GALNTL6: variants seen among roughly 807,000 people sequenced by gnomAD.
The protein encoded by GALNTL6 is polypeptide N-acetylgalactosaminyltransferase-like 6.
Under a neutral mutation model 73.7 loss-of-function variants are expected in GALNTL6, and 46 were observed. The ratio of observed to expected loss-of-function variants is 0.62; its 90% CI spans 0.49 to 0.80. The LOEUF is 0.80. Ranked by LOEUF, GALNTL6 falls within the 30% of genes least tolerant of loss-of-function variation. The probability of loss-of-function intolerance (pLI) is 0.00; values close to 1 mark genes in which losing one functional copy is unlikely to be tolerated. For missense variants in GALNTL6, 604 were observed against 755.0 expected (o/e 0.80, Z 2.34); for synonymous variants, 259 against 263.7 (o/e 0.98, Z 0.17).
At chr4:171,903,221 A>G (rs572295278) in intron 2 of GALNTL6, among the ~76,000 whole-genome samples, 34 of 152,236 alleles carry the variant, frequency 2.2e-4, no homozygotes, top group Admixed American at 2.2e-3. Context: ...CTGCATTTCC[A>G]TCTGAGGTAC....
chr4:171,925,974 T>A lies in GALNTL6; in HGVS notation c.138+111256T>A, dbSNP rs1381666456. 3.3e-5 allele frequency among the ~76,000 whole-genome samples: 5 copies of A among 150,488 alleles called. No homozygotes were observed. The East Asian group carries it at 9.7e-4, about 29-fold the overall frequency. On this transcript the variant is annotated intron_variant, in intron 2 of 12. Transcript: ENST00000506823. ...AATTCATTATTTAAATTTTCAAATT[T>A]TAATTATGAGGCATCTGAAATTTTA... is the stretch of plus-strand genomic sequence containing the variant.
intron 2 of GALNTL6, among the ~76,000 whole-genome samples, chr4:171,841,821 G>GA (rs1473487937): frequency 6.6e-6 from 1 of 151,510 alleles, no homozygotes; most frequent in Admixed American, 6.6e-5. Context: ...TTTTTTAATT[G>GA]AAAAAATAAA....
chr4:172,048,211 A>G (rs1017802595), intron 2 of GALNTL6, among the ~76,000 whole-genome samples: 6 of 152,162 alleles, frequency 3.9e-5, no homozygotes, highest in African/African-American at 1.4e-4. Context: ...CTACTGCCTC[A>G]GAACAATAAC....
intron 5 of GALNTL6, among the ~76,000 whole-genome samples, chr4:172,774,959 CAAT>C (rs57591714): frequency 0.05 from 6,975 of 140,506 alleles, 218 homozygotes; most frequent in African/African-American, 0.082. Flanking sequence ...GGCTCCATCT[CAAT>C]AATAATAATA....
At chr4:172,896,698 G>C (rs530242565) in intron 8 of GALNTL6, among the ~76,000 whole-genome samples, 1 of 152,274 alleles carries the variant, frequency 6.6e-6, no homozygotes, top group South Asian at 2.1e-4. Context: ...CCACAGATAG[G>C]ATAGTTCCCT....
intron 2 of GALNTL6, among the ~76,000 whole-genome samples, chr4:172,104,359 T>C (rs1269384964): frequency 6.6e-6 from 1 of 152,094 alleles, no homozygotes; most frequent in Non-Finnish European, 1.5e-5. Flanking sequence ...TAAGAGGACT[T>C]GGTAGTTAAC....
chr4:172,489,605 A>G (rs1314466494), intron 5 of GALNTL6, among the ~76,000 whole-genome samples: 1 of 152,174 alleles, frequency 6.6e-6, no homozygotes, highest in Non-Finnish European at 1.5e-5. Flanking sequence ...TTATCTGTTA[A>G]TTTGTATGTT....
chr4:172,667,491 T>G (rs1731735739), intron 5 of GALNTL6: 1 of 152,226 alleles, frequency 6.6e-6, no homozygotes, highest in East Asian at 1.9e-4. Flanking sequence ...GGGGATGAAT[T>G]CGCTTCCAGG....
chr4:172,467,677 T>G (rs184466863), intron 5 of GALNTL6, among the ~76,000 whole-genome samples: 1 of 152,142 alleles, frequency 6.6e-6, no homozygotes, highest in African/African-American at 2.4e-5. Flanking sequence ...GGAAAGAAAC[T>G]TTACCCCTTT....
chr4:171,972,335 C>G (rs1049692222), intron 2 of GALNTL6, among the ~76,000 whole-genome samples: 2 of 151,946 alleles, frequency 1.3e-5, no homozygotes, highest in Non-Finnish European at 2.9e-5. Context: ...TTTCATAAAT[C>G]ATTTCAATAT....
chr4:171,854,759 C>T (rs573692314), intron 2 of GALNTL6, among the ~76,000 whole-genome samples: 3 of 152,258 alleles, frequency 2.0e-5, no homozygotes, highest in Middle Eastern at 3.4e-3. Context: ...GTGGAGGGAA[C>T]AAAGAGGCTC....
At chr4:172,372,084 C>T (rs1313167305) in intron 5 of GALNTL6, among the ~76,000 whole-genome samples, 1 of 152,206 alleles carries the variant, frequency 6.6e-6, no homozygotes, top group Non-Finnish European at 1.5e-5. Flanking sequence ...GGGAAAAGGG[C>T]TTATTTTCAA....
rs1735608053 is a variant in GALNTL6, at chr4:172,192,123, A to G, written c.139-37533A>G. 2.6e-5 allele frequency among the ~76,000 whole-genome samples: 4 copies of G among 152,132 alleles called. No individual in the cohort carries two copies. The East Asian group carries it at 7.7e-4, about 29-fold the overall frequency. On this transcript the variant is annotated intron_variant, in intron 2 of 12. Transcript: ENST00000506823. ...GCAAATTTGAAAGTGGTGTAATAATATTAATTGTAATTACTAAAGAAGCTA... is the reference window on the plus strand; with the variant it reads ...GCAAATTTGAAAGTGGTGTAATAATGTTAATTGTAATTACTAAAGAAGCTA...
chr4:172,791,724 T>C (rs1186982420), intron 5 of GALNTL6, among the ~76,000 whole-genome samples: 2 of 152,218 alleles, frequency 1.3e-5, no homozygotes, highest in Admixed American at 6.5e-5. Context: ...CTCTGCTTCC[T>C]ACTTTTGGGT....
At chr4:172,384,767 C>A (rs1325129795) in intron 5 of GALNTL6, among the ~76,000 whole-genome samples, 8 of 151,938 alleles carry the variant, frequency 5.3e-5, no homozygotes, top group African/African-American at 1.9e-4. Flanking sequence ...TTAGCTGCAT[C>A]CCAAAAGGTT....
chr4:172,108,478 A>G (rs1365329542), intron 2 of GALNTL6, among the ~76,000 whole-genome samples: 2 of 152,160 alleles, frequency 1.3e-5, no homozygotes, highest in Non-Finnish European at 2.9e-5. Flanking sequence ...ACAGTCAGGA[A>G]GTCAAAATTC....
intron 2 of GALNTL6, among the ~76,000 whole-genome samples, chr4:172,122,000 G>A (rs948483181): frequency 6.7e-6 from 1 of 148,856 alleles, no homozygotes; most frequent in African/African-American, 2.5e-5. Flanking sequence ...TACTTTTTTT[G>A]TATATAGACC....
chr4:172,577,931 A>G (rs997438979), intron 5 of GALNTL6, among the ~76,000 whole-genome samples: 1 of 152,200 alleles, frequency 6.6e-6, no homozygotes, highest in Non-Finnish European at 1.5e-5. Context: ...ATCACAGGCA[A>G]TACACTGTTT....
chr4:172,160,125 T>C (rs1184255683), intron 2 of GALNTL6, among the ~76,000 whole-genome samples: 1 of 152,008 alleles, frequency 6.6e-6, no homozygotes, highest in Non-Finnish European at 1.5e-5. Flanking sequence ...TGCTGAAAGA[T>C]ACATCAATAG....
Sources: allele counts gnomAD v4.1 joint callset (sites outside exome capture counted in the v4.1 genomes callset), GRCh38; gene constraint gnomAD v4.1.1; transcripts MANE v1.5; gene names NCBI Gene and HGNC (gene_info 2026-07-23, HGNC 2026-07-21).